The following ORC4 variants were observed in gnomAD, a reference collection of about 807,000 sequenced individuals.
The protein encoded by ORC4 is origin recognition complex, subunit 4 homolog.
ORC4 carries 55 observed loss-of-function variants against 63.9 expected under a neutral mutation model. The ratio of observed to expected loss-of-function variants is 0.86; its 90% CI spans 0.69 to 1.08. The LOEUF is 1.08. Among genes scored for constraint, ORC4 ranks in the 50% least tolerant of loss-of-function variants. ORC4 has a pLI of 0.00. For missense variants in ORC4, 511 were observed against 504.4 expected (o/e 1.01, Z -0.13); for synonymous variants, 150 against 168.5 (o/e 0.89, Z 0.85).
At chr2:147,943,728 T>A (rs779632863) in intron 9 of ORC4, among the ~76,000 whole-genome samples, 1 of 152,172 alleles carries the variant, frequency 6.6e-6, no homozygotes, top group African/African-American at 2.4e-5. Flanking sequence ...GTTCTTTACG[T>A]TAATTCAATA....
chr2:147,958,457 T>A, intron 5 of ORC4, 74 bp from the exon 6 acceptor site: 2 of 1,064,670 alleles, frequency 1.9e-6, no homozygotes, highest in Non-Finnish European at 1.4e-6. Flanking sequence ...GTTTTCCAGT[T>A]AAGTAAATCT....
chr2:148,015,866 T>C (rs984704832), intron 1 of ORC4, among the ~76,000 whole-genome samples: 3 of 152,070 alleles, frequency 2.0e-5, no homozygotes, highest in Non-Finnish European at 4.4e-5. Context: ...TACAGTGCAG[T>C]GGTGGTTCAA....
intron 4 of ORC4, among the ~76,000 whole-genome samples, chr2:147,967,794 A>T (rs1008922734): frequency 5.3e-5 from 8 of 152,124 alleles, no homozygotes; most frequent in African/African-American, 1.9e-4. Flanking sequence ...AGATAGAAAA[A>T]AAATCCTAAA....
At chr2:147,987,366 ATGTGTG>A (rs140134375) in intron 1 of ORC4, among the ~76,000 whole-genome samples, 1 of 116,386 alleles carries the variant, frequency 8.6e-6, no homozygotes, top group Non-Finnish European at 1.8e-5. Context: ...AGATATATAT[ATGTGTG>A]TGTGTGTGTG....
At chr2:148,015,845 G>A (rs1693248520) in intron 1 of ORC4, among the ~76,000 whole-genome samples, 2 of 152,178 alleles carry the variant, frequency 1.3e-5, no homozygotes, top group African/African-American at 4.8e-5. Context: ...CCCAGGAACT[G>A]CTAATGAACG....
At chr2:147,994,939 G>T (rs1371681724) in intron 1 of ORC4, among the ~76,000 whole-genome samples, 1 of 152,182 alleles carries the variant, frequency 6.6e-6, no homozygotes, top group Admixed American at 6.5e-5. Context: ...AAGCCAGCTG[G>T]ACTTCCTGGG....
intron 1 of ORC4, among the ~76,000 whole-genome samples, chr2:147,977,348 A>G (rs772209289): frequency 6.6e-6 from 1 of 152,226 alleles, no homozygotes; most frequent in Non-Finnish European, 1.5e-5. Flanking sequence ...GCCAGAACTC[A>G]TAAAACTCAA....
chr2:147,951,658 C>T (rs535236745), intron 8 of ORC4: 1 of 152,308 alleles, frequency 6.6e-6, no homozygotes, highest in South Asian at 2.1e-4. Flanking sequence ...AAATAAACTT[C>T]TTTTCTTTAA....
chr2:147,980,371 A>C lies in ORC4; in HGVS notation c.-17-4396T>G, dbSNP rs1690812067. Among the ~76,000 whole-genome samples, 3 of 152,166 alleles carry C rather than the reference A, an allele frequency of 2.0e-5. No homozygotes were observed. In the South Asian group the frequency reaches 6.2e-4, roughly 32 times the overall value. On this transcript the variant is annotated intron_variant, in intron 1 of 13. Transcript: ENST00000392857. The stretch of plus-strand genomic sequence containing the variant: ...TGGGATATGTGTAGGTTATACGCTA[A>C]TACCATGCCAATTTATAGAAAGGAC...
Position 148,005,656 on chromosome 2 carries a change from C to CAAAAAAA in ORC4, c.-18+14970_-18+14976dup, listed in dbSNP as rs55869341. ...ACACCAAACTGAACAACTATCCATG[C>CAAAAAAA]AAAAAAAAAAAAAAAAAAAAAAAAC... On this transcript the variant is annotated intron_variant, in intron 1 of 13. Coordinates refer to ENST00000392857, the MANE Select transcript of ORC4 (RefSeq NM_181741.4). Among the ~76,000 whole-genome samples, 99 of 51,458 alleles carry CAAAAAAA rather than the reference C, an allele frequency of 1.9e-3. 2 individuals are homozygous for CAAAAAAA. Among genetic ancestry groups the CAAAAAAA allele is most frequent in the East Asian group, 3.8e-3 (5 of 1,320 alleles). The allele number at this position is 51,458 out of a possible 152,430, so 33.8% of individuals were successfully genotyped here.
At chr2:147,975,186 A>ATTT (rs1690472233) in intron 2 of ORC4, among the ~76,000 whole-genome samples, 2 of 152,292 alleles carry the variant, frequency 1.3e-5, no homozygotes, top group South Asian at 2.1e-4. Flanking sequence ...GGGTAGAAAT[A>ATTT]CCATGCTCAT....
intron 10 of ORC4, among the ~76,000 whole-genome samples, chr2:147,940,228 G>T (rs963418229): frequency 7.9e-5 from 12 of 151,278 alleles, no homozygotes; most frequent in African/African-American, 2.9e-4. Context: ...GTGGTATTTG[G>T]TTACATGAGT....
chr2:148,002,427 G>A (rs1251675389), intron 1 of ORC4, among the ~76,000 whole-genome samples: 1 of 152,138 alleles, frequency 6.6e-6, no homozygotes, highest in Non-Finnish European at 1.5e-5. Context: ...AGACCATAGT[G>A]CAATCAAATT....
At position 147,935,633 on chromosome 2, in the gene ORC4, C is replaced by G. The variant is rs1688006869; in HGVS notation, c.1188G>C (p.Gln396His). ...GCAGTTTCATCAGCTGGTACTCTCT[C>G]TGTGAATTTCCTGAAGTTCTTTCCA... ...KPMERTSGNSQREYQLMKLLL... is the reference protein window; with the variant it reads ...KPMERTSGNSHREYQLMKLLL... Residue 396 changes from glutamine to histidine, a missense_variant, in exon 14 of 14, where the codon CAG becomes CAC. By Grantham distance (24) the Gln-to-His change is conservative. Transcript: ENST00000392857. The G allele has an allele frequency of 6.2e-7, 1 of 1,613,640 alleles. No homozygotes were observed. Among genetic ancestry groups the G allele is most frequent in the East Asian group, 2.2e-5 (1 of 44,846 alleles).
At chr2:148,006,736 C>T (rs984746764) in intron 1 of ORC4, among the ~76,000 whole-genome samples, 3 of 152,214 alleles carry the variant, frequency 2.0e-5, no homozygotes, top group Non-Finnish European at 4.4e-5. Context: ...CACCTGCTAA[C>T]TAAAGTGGCC....
chr2:147,953,108 T>C (rs1689053999), intron 7 of ORC4, among the ~76,000 whole-genome samples: 1 of 149,288 alleles, frequency 6.7e-6, no homozygotes, highest in African/African-American at 2.5e-5. Context: ...GGTAGGTGGA[T>C]CACCTAAGGT....
At chr2:147,950,815 C>T (rs774597504) in intron 8 of ORC4, among the ~76,000 whole-genome samples, 4 of 150,212 alleles carry the variant, frequency 2.7e-5, no homozygotes, top group Non-Finnish European at 5.9e-5. Flanking sequence ...AAGAACTACA[C>T]AGTTGGAGAA....
intron 9 of ORC4, among the ~76,000 whole-genome samples, chr2:147,945,218 A>T (rs1402156792): frequency 6.6e-6 from 1 of 152,080 alleles, no homozygotes; most frequent in Non-Finnish European, 1.5e-5. Context: ...AATTATTTTT[A>T]AAACCTGCAT....
chr2:147,957,812 G>A (rs1689346872), intron 6 of ORC4, among the ~76,000 whole-genome samples: 1 of 152,024 alleles, frequency 6.6e-6, no homozygotes. Context: ...TAAAGAATCT[G>A]AATTCAGAGA....
Sources: allele counts gnomAD v4.1 joint callset (sites outside exome capture counted in the v4.1 genomes callset), GRCh38; gene constraint gnomAD v4.1.1; transcripts MANE v1.5; gene names NCBI Gene and HGNC (gene_info 2026-07-23, HGNC 2026-07-21).